The following PCCA variants were observed in gnomAD, a reference collection of about 807,000 sequenced individuals.
The protein encoded by PCCA is propionyl-CoA carboxylase subunit alpha, also known as propionyl-CoA carboxylase alpha chain, mitochondrial.
Under a neutral mutation model 101.3 loss-of-function variants are expected in PCCA, and 74 were observed. That is an observed-to-expected ratio of 0.73 (90% CI 0.61 to 0.89). The LOEUF (loss-of-function observed/expected upper bound fraction) is 0.89, where lower values mean the gene tolerates loss of function less well. Ranked by LOEUF, PCCA falls within the 40% of genes least tolerant of loss-of-function variation. The pLI is 0.00. For synonymous variants in PCCA, 294 were observed against 313.6 expected, an observed-to-expected ratio of 0.94 and a Z score of 0.66; for missense variants, 891 against 907.0, an observed-to-expected ratio of 0.98 and a Z score of 0.23.
In PCCA at chr13:100,276,943, C is replaced by T. The variant is rs115335993; in HGVS notation, c.1065+3597C>T. On this transcript the variant is annotated intron_variant, in intron 12 of 23. Coordinates refer to ENST00000376285, the MANE Select transcript of PCCA (RefSeq NM_000282.4). ...TTCTGCTGTTGAGTTCCTGTTGGGC[C>T]TTGTTATTATACTGTCATATACAGT... Among the ~76,000 whole-genome samples the T allele has an allele frequency of 2.2e-3, 330 of 152,128 alleles. 1 individual carries two copies. The highest frequency in any genetic ancestry group is 7.7e-3 in the African/African-American group (319 of 41,502).
chr13:100,289,994 C>G (rs903887287), intron 12 of PCCA, among the ~76,000 whole-genome samples: 6 of 152,160 alleles, frequency 3.9e-5, no homozygotes, highest in Non-Finnish European at 7.3e-5. Context: ...GTCACATCCT[C>G]AACTATGTTT....
intron 21 of PCCA, among the ~76,000 whole-genome samples, chr13:100,463,230 G>T (rs1425014477): frequency 6.6e-6 from 1 of 152,040 alleles, no homozygotes; most frequent in African/African-American, 2.4e-5. Context: ...GATGACACAA[G>T]ACCATTCCAA....
intron 18 of PCCA, among the ~76,000 whole-genome samples, chr13:100,345,992 AT>A (rs566431383): frequency 0.029 from 4,311 of 150,992 alleles, 199 homozygotes; most frequent in African/African-American, 0.09. Flanking sequence ...AAAAAAAAAA[AT>A]TTTTTTTTCA....
Position 100,232,057 on chromosome 13 carries a change from CTT to C in PCCA, c.601-3784_601-3783del, listed in dbSNP as rs1370040375. 4.6e-5 allele frequency among the ~76,000 whole-genome samples: 7 copies of C among 152,302 alleles called. No individual in the cohort carries two copies. In the East Asian group the frequency reaches 1.2e-3, roughly 25 times the overall value. Reference sequence around the variant, plus strand: ...ATTTTTACAGTGTAAGAGTTACTCTCTTAAAGCTTAATTGTCATTTGTCATTG... The same window carrying C: ...ATTTTTACAGTGTAAGAGTTACTCTCAAAGCTTAATTGTCATTTGTCATTG... On this transcript the variant is annotated intron_variant, in intron 7 of 23. Coordinates refer to ENST00000376285, the MANE Select transcript of PCCA (RefSeq NM_000282.4).
intron 4 of PCCA, among the ~76,000 whole-genome samples, chr13:100,138,354 AAT>A (rs1386684241): frequency 3.3e-5 from 5 of 152,140 alleles, no homozygotes; most frequent in Admixed American, 2.0e-4. Context: ...CCTTAATTGG[AAT>A]ATGTCAGTCT....
chr13:100,197,063 G>C (rs998323438), intron 6 of PCCA, among the ~76,000 whole-genome samples: 2 of 152,136 alleles, frequency 1.3e-5, no homozygotes, highest in African/African-American at 2.4e-5. Flanking sequence ...TGTCACCATT[G>C]CACAGACTCA....
chr13:100,201,876 A>AC (rs2058526798), intron 6 of PCCA, among the ~76,000 whole-genome samples: 1 of 149,992 alleles, frequency 6.7e-6, no homozygotes, highest in Non-Finnish European at 1.5e-5. Flanking sequence ...AAAAAAAAAA[A>AC]AAAAAAAAAA....
In PCCA at chr13:100,184,510, C is replaced by T. The variant is rs146564304; in HGVS notation, c.469-24822C>T. ...TGCACGAGCTTATGATGACTGGAAT[C>T]GTACGCCCTTTCATCATATAGACCA... On this transcript the variant is annotated intron_variant, in intron 6 of 23. Transcript: ENST00000376285. Among the ~76,000 whole-genome samples, 595 of 152,274 alleles carry T rather than the reference C, an allele frequency of 3.9e-3. 7 individuals carry two copies. The highest frequency in any genetic ancestry group is 0.028 in the South Asian group (137 of 4,826).
chr13:100,091,702 C>G (rs1188344325), intron 1 of PCCA, among the ~76,000 whole-genome samples: 1 of 152,028 alleles, frequency 6.6e-6, no homozygotes, highest in Non-Finnish European at 1.5e-5. Flanking sequence ...AGAATTCTGA[C>G]CATTCTTTTA....
At chr13:100,411,905 G>A (rs566773083) in intron 19 of PCCA, among the ~76,000 whole-genome samples, 20 of 152,246 alleles carry the variant, frequency 1.3e-4, no homozygotes, top group African/African-American at 3.6e-4. Context: ...TGAATTTTGA[G>A]GGGACACAAC....
At chr13:100,180,047 G>A (rs1346812745) in intron 6 of PCCA, among the ~76,000 whole-genome samples, 1 of 152,122 alleles carries the variant, frequency 6.6e-6, no homozygotes, top group Non-Finnish European at 1.5e-5. Flanking sequence ...AGATCAGTTA[G>A]GGTCATTCTA....
At chr13:100,338,416 C>T (rs937663842) in intron 17 of PCCA, among the ~76,000 whole-genome samples, 10 of 152,044 alleles carry the variant, frequency 6.6e-5, no homozygotes, top group Non-Finnish European at 2.9e-5. Flanking sequence ...CTGCAGTATA[C>T]TCTTGAGAAA....
At chr13:100,243,764 T>A (rs776973232) in intron 8 of PCCA, among the ~76,000 whole-genome samples, 15 of 152,224 alleles carry the variant, frequency 9.9e-5, no homozygotes, top group Non-Finnish European at 4.4e-5. Flanking sequence ...TCTGATGTAG[T>A]GTGTCTGCCC....
intron 14 of PCCA, among the ~76,000 whole-genome samples, chr13:100,306,883 G>A (rs777117565): frequency 6.6e-6 from 1 of 152,194 alleles, no homozygotes; most frequent in Non-Finnish European, 1.5e-5. Flanking sequence ...CATCGTCCAT[G>A]CCATGCTTCA....
chr13:100,517,272 C>T (rs997537666), intron 22 of PCCA, among the ~76,000 whole-genome samples: 3 of 152,180 alleles, frequency 2.0e-5, no homozygotes, highest in Non-Finnish European at 2.9e-5. Context: ...GTAAACGGGG[C>T]GCTCCCAAGG....
At chr13:100,351,879 A>G (rs2073311869) in intron 18 of PCCA, among the ~76,000 whole-genome samples, 1 of 152,204 alleles carries the variant, frequency 6.6e-6, no homozygotes, top group African/African-American at 2.4e-5. Context: ...TGTTCTGTGA[A>G]TAAATCCTGT....
rs866088593 is a variant in PCCA at position 100,284,311 on chromosome 13, A to G, written c.1065+10965A>G. ...TGGAGCTATTATCTACATGAATATG[A>G]GAAACAAGTTACCCATTTGTTGTCC... On this transcript the variant is annotated intron_variant, in intron 12 of 23. Transcript: ENST00000376285. Among the ~76,000 whole-genome samples, 130 of 151,896 alleles carry G rather than the reference A, an allele frequency of 8.6e-4. 1 individual carries two copies. Among genetic ancestry groups the G allele is most frequent in the African/African-American group, 2.9e-3 (118 of 41,244 alleles).
In PCCA at chr13:100,494,795, G is replaced by A. The variant is rs145026138; in HGVS notation, c.1900-20632G>A. On this transcript the variant is annotated intron_variant, in intron 21 of 23. Coordinates refer to ENST00000376285, the MANE Select transcript of PCCA (RefSeq NM_000282.4). ...GCTGGCTTCCTAACAGTCCTGTGGC[G>A]GTCTGTTCTTTCCTGTGTACACTCC... Among the ~76,000 whole-genome samples the A allele has an allele frequency of 1.4e-4, 22 of 152,194 alleles. No individual in the cohort carries two copies. In the East Asian group the frequency reaches 3.9e-3, roughly 27 times the overall value.
Position 100,279,955 on chromosome 13 carries a change from T to C in PCCA, c.1065+6609T>C, listed in dbSNP as rs543920987. 2.6e-5 allele frequency among the ~76,000 whole-genome samples: 4 copies of C among 152,126 alleles called. No individual in the cohort carries two copies. The East Asian group carries it at 7.7e-4, about 29-fold the overall frequency. On this transcript the variant is annotated intron_variant, in intron 12 of 23. Coordinates refer to ENST00000376285, the MANE Select transcript of PCCA (RefSeq NM_000282.4). ...GTTCTTTTTTTATTTTCTTTGAAAT[T>C]TCCTGATTGAACTTTCACTTTTTCC...
Sources: allele counts gnomAD v4.1 joint callset (sites outside exome capture counted in the v4.1 genomes callset), GRCh38; gene constraint gnomAD v4.1.1; transcripts MANE v1.5; gene names NCBI Gene and HGNC (gene_info 2026-07-23, HGNC 2026-07-21).